Variants in UBXN8 observed in about 807,000 individuals in gnomAD.
The protein encoded by UBXN8 is UBX domain protein 8, also known as UBX domain-containing protein 8.
In UBXN8, 27 loss-of-function variants were observed where a neutral mutation model predicts 32.1. The ratio of observed to expected loss-of-function variants is 0.84; its 90% CI spans 0.62 to 1.16. The LOEUF (loss-of-function observed/expected upper bound fraction) is 1.16, where lower values mean the gene tolerates loss of function less well. Ranked by LOEUF, UBXN8 falls within the 50% of genes most tolerant of loss-of-function variation. UBXN8 has a pLI of 0.00. For missense variants in UBXN8, 306 were observed against 311.4 expected, an observed-to-expected ratio of 0.98 and a Z score of 0.13; for synonymous variants, 109 against 111.8, an observed-to-expected ratio of 0.98 and a Z score of 0.16.
At chr8:30,739,025 T>C (rs1805132687) in intron 1 of UBXN8, among the ~76,000 whole-genome samples, 1 of 150,438 alleles carries the variant, frequency 6.6e-6, no homozygotes, top group South Asian at 2.2e-4. Context: ...AATGACAAAA[T>C]TAAAGAGATG....
chr8:30,756,713 A>G (rs1805671037), intron 4 of UBXN8, 52 bp from the exon 5 acceptor site: 4 of 1,608,972 alleles, frequency 2.5e-6, no homozygotes, highest in African/African-American at 2.7e-5. Flanking sequence ...TGTGAATAGA[A>G]TAAAGTTGAT....
chr8:30,748,058 GC>G (rs1421849820), intron 1 of UBXN8, among the ~76,000 whole-genome samples: 1 of 148,156 alleles, frequency 6.7e-6, no homozygotes, highest in Admixed American at 6.8e-5. Flanking sequence ...TGAAAAACTA[GC>G]CTTGTCTTTT....
chr8:30,744,240 T>G lies in UBXN8; in HGVS notation c.51T>G (p.Leu17=). 6.2e-7 allele frequency: 1 copy of G among 1,613,908 alleles called. No homozygotes were observed. The highest frequency in any genetic ancestry group is 1.3e-5 in the African/African-American group (1 of 75,068). The change falls in exon 1 of 8, where the codon CTT becomes CTG. Residue 17 remains leucine, a synonymous_variant. Coordinates refer to ENST00000265616, the MANE Select transcript of UBXN8 (RefSeq NM_005671.4). ...TTTTCTTCCTCTCTGCTGTCCCCCT[T>G]GTGTGTCTGGAGCTCCGGCGTGGGA... ...VGIFFLSAVP[L]VCLELRRGIP...
intron 5 of UBXN8, among the ~76,000 whole-genome samples, chr8:30,757,366 A>G (rs2128755421): frequency 1.3e-5 from 2 of 152,010 alleles, no homozygotes; most frequent in East Asian, 3.9e-4. Context: ...CCTGGCCAAC[A>G]TGGTGAAACC....
At chr8:30,744,980 A>C (rs147450246) in intron 1 of UBXN8, among the ~76,000 whole-genome samples, 1 of 152,322 alleles carries the variant, frequency 6.6e-6, no homozygotes, top group African/African-American at 2.4e-5. Flanking sequence ...TTTAATCTGC[A>C]CTGCAATCAG....
chr8:30,757,921 C>G (rs1233998002), intron 5 of UBXN8, among the ~76,000 whole-genome samples: 4 of 151,432 alleles, frequency 2.6e-5, no homozygotes, highest in African/African-American at 9.7e-5. Context: ...GAGTCTCACT[C>G]TGTCGCCCAG....
At chr8:30,747,894 C>CTTTTTTTTTTTTTTTTTTTTTTTTTTT (rs67334347) in intron 1 of UBXN8, among the ~76,000 whole-genome samples, 6 of 35,640 alleles carry the variant, frequency 1.7e-4, no homozygotes, top group Non-Finnish European at 2.2e-4. Flanking sequence ...TATATTTTTT[C>CTTTTTTTTTTTTTTTTTTTTTTTTTTT]TTTTTTTTTT....
intron 1 of UBXN8, among the ~76,000 whole-genome samples, chr8:30,745,958 C>T (rs974669388): frequency 1.3e-5 from 2 of 152,144 alleles, no homozygotes; most frequent in South Asian, 2.1e-4. Flanking sequence ...GCCATGTTGC[C>T]CAGGCTGGTC....
chr8:30,755,802 G>T (rs1359500314), intron 4 of UBXN8, among the ~76,000 whole-genome samples: 2 of 141,948 alleles, frequency 1.4e-5, no homozygotes, highest in Admixed American at 7.2e-5. Context: ...TGTGACATAA[G>T]ATAGTCTTTA....
upstream of UBXN8, among the ~76,000 whole-genome samples, chr8:30,740,428 C>T (rs2343689): frequency 0.011 from 1 of 90 alleles, no homozygotes; most frequent in African/African-American, 0.1. Flanking sequence ...ACAGGCCAGG[C>T]GCGGTGGTTC....
At chr8:30,758,900 T>TTTTTTGTTTG (rs1805746509) in intron 5 of UBXN8, among the ~76,000 whole-genome samples, 4 of 121,998 alleles carry the variant, frequency 3.3e-5, no homozygotes, top group African/African-American at 1.2e-4. Flanking sequence ...TTTTGTTTTT[T>TTTTTTGTTTG]TTTTTTTTTT....
intron 1 of UBXN8, among the ~76,000 whole-genome samples, chr8:30,749,987 A>G (rs970272457): frequency 2.0e-5 from 3 of 152,186 alleles, no homozygotes; most frequent in African/African-American, 7.2e-5. Flanking sequence ...ACTGATATTC[A>G]TAATATAGTG....
intron 1 of UBXN8, among the ~76,000 whole-genome samples, chr8:30,749,603 T>A (rs1805463695): frequency 1.5e-5 from 1 of 64,620 alleles, no homozygotes; most frequent in African/African-American, 5.6e-5. Flanking sequence ...ATATTTTCTT[T>A]TTTTCTTTTT....
chr8:30,749,474 G>T (rs1027544018), intron 1 of UBXN8, among the ~76,000 whole-genome samples: 11 of 151,766 alleles, frequency 7.2e-5, no homozygotes, highest in Non-Finnish European at 1.5e-4. Context: ...CATGTAAATC[G>T]TAATTTTACT....
At position 30,757,042 on chromosome 8, in the gene UBXN8, C is replaced by T. The variant is rs552315586; in HGVS notation, c.528+155C>T. Among the ~76,000 whole-genome samples, 64 of 152,044 alleles carry T rather than the reference C, an allele frequency of 4.2e-4. No individual in the cohort carries two copies. In the South Asian group the frequency reaches 8.7e-3, roughly 21 times the overall value. On this transcript the variant is annotated intron_variant, in intron 5 of 7. Coordinates refer to ENST00000265616, the MANE Select transcript of UBXN8 (RefSeq NM_005671.4). Reference sequence around the variant, plus strand: ...ACAAAGCAATCACCCCAGAATAGGCCGGGCATGGTGGCTGACATCTGTAAT... The same window carrying T: ...ACAAAGCAATCACCCCAGAATAGGCTGGGCATGGTGGCTGACATCTGTAAT...
At chr8:30,763,143 C>A in intron 6 of UBXN8, 130 bp from the exon 7 acceptor site, 1 of 885,218 alleles carries the variant, frequency 1.1e-6, no homozygotes, top group Non-Finnish European at 1.8e-6. Context: ...ACCACCATGC[C>A]CTACCTATGT....
chr8:30,758,879 TTGTTTGTTTTTTTTG>T (rs1479940818), intron 5 of UBXN8, among the ~76,000 whole-genome samples: 1 of 125,918 alleles, frequency 7.9e-6, no homozygotes, highest in African/African-American at 3.1e-5. Flanking sequence ...AATGTTTTTT[TTGTTTGTTTTTTTTG>T]TTTTTTTTTT....
At chr8:30,739,083 A>G (rs1805133853) in intron 1 of UBXN8, among the ~76,000 whole-genome samples, 1 of 150,766 alleles carries the variant, frequency 6.6e-6, no homozygotes, top group Non-Finnish European at 1.5e-5. Context: ...GGAAAAAAGG[A>G]GACGGAGACC....
Position 30,751,535 on chromosome 8 carries a change from T to G in UBXN8, c.211+17T>G. ...ATCTGAAGGGTAAGTTTATTATTTATTCTACCCTTTTATACCATTCTACTC... is the reference window on the plus strand; with the variant it reads ...ATCTGAAGGGTAAGTTTATTATTTAGTCTACCCTTTTATACCATTCTACTC... On this transcript the variant is annotated intron_variant, in intron 2 of 7. Coordinates refer to ENST00000265616, the MANE Select transcript of UBXN8 (RefSeq NM_005671.4). 6.4e-6 allele frequency: 10 copies of G among 1,561,630 alleles called. No homozygotes were observed. The highest frequency in any genetic ancestry group is 8.7e-6 in the Non-Finnish European group (10 of 1,153,120).
Sources: allele counts gnomAD v4.1 joint callset (sites outside exome capture counted in the v4.1 genomes callset), GRCh38; gene constraint gnomAD v4.1.1; transcripts MANE v1.5; gene names NCBI Gene and HGNC (gene_info 2026-07-23, HGNC 2026-07-21).